DOCK4: variants seen among roughly 807,000 people sequenced by gnomAD.
The protein encoded by DOCK4 is dedicator of cytokinesis protein 4.
In DOCK4, 97 loss-of-function variants were observed where a neutral mutation model predicts 268.1. That is an observed-to-expected ratio of 0.36 (90% CI 0.31 to 0.43). The LOEUF (loss-of-function observed/expected upper bound fraction) is 0.43, where lower values mean the gene tolerates loss of function less well. DOCK4 is among the 20% of genes least tolerant of loss of function. The pLI, the probability that DOCK4 is intolerant of heterozygous loss-of-function variation, is 1.00. For missense variants in DOCK4, 2,145 were observed against 2,455.7 expected, an observed-to-expected ratio of 0.87 and a Z score of 2.67; for synonymous variants, 954 against 887.2, an observed-to-expected ratio of 1.08 and a Z score of -1.34.
chr7:112,086,942 A>G (rs930875802), intron 1 of DOCK4, among the ~76,000 whole-genome samples: 1 of 152,070 alleles, frequency 6.6e-6, no homozygotes, highest in Non-Finnish European at 1.5e-5. Flanking sequence ...CCCTGAAAAA[A>G]CAAATCAGAA....
chr7:112,012,326 C>T (rs1216278984), intron 1 of DOCK4, among the ~76,000 whole-genome samples: 1 of 151,072 alleles, frequency 6.6e-6, no homozygotes, highest in Non-Finnish European at 1.5e-5. Context: ...GATAATACTG[C>T]TTTTTCTGAT....
intron 1 of DOCK4, among the ~76,000 whole-genome samples, chr7:112,118,956 T>C (rs1210510712): frequency 6.6e-6 from 1 of 152,200 alleles, no homozygotes. Context: ...GGCCTACATA[T>C]AGCTCGTACG....
At position 112,063,691 on chromosome 7, in the gene DOCK4, G is replaced by A. The variant is rs1215599027; in HGVS notation, c.38-59560C>T. On this transcript the variant is annotated intron_variant, in intron 1 of 52. Coordinates refer to ENST00000428084, the MANE Select transcript of DOCK4 (RefSeq NM_001363540.2). ...AATCATAAGAAAAAAGGAATTTACT[G>A]ATGGGACTCAAGATTTTTTCATGCT... Among the ~76,000 whole-genome samples the A allele has an allele frequency of 2.6e-5, 4 of 152,194 alleles. No individual in the cohort carries two copies. The East Asian group carries it at 5.8e-4, about 22-fold the overall frequency.
At chr7:111,755,679 A>T in intron 41 of DOCK4, 78 bp from the exon 42 acceptor site, 1 of 1,322,070 alleles carries the variant, frequency 7.6e-7, no homozygotes, top group East Asian at 2.3e-5. Flanking sequence ...TTTGTCGGTC[A>T]CTGTTACCAG....
At chr7:111,879,456 G>A (rs1807191893) in intron 16 of DOCK4, among the ~76,000 whole-genome samples, 1 of 152,060 alleles carries the variant, frequency 6.6e-6, no homozygotes, top group Admixed American at 6.5e-5. Flanking sequence ...AAGCAAAGGG[G>A]GCTTTGCCTT....
intron 16 of DOCK4, among the ~76,000 whole-genome samples, chr7:111,883,291 C>T (rs1385306880): frequency 6.6e-6 from 1 of 152,186 alleles, no homozygotes; most frequent in Non-Finnish European, 1.5e-5. Flanking sequence ...CACATTCACC[C>T]TATCTGGTCT....
intron 1 of DOCK4, among the ~76,000 whole-genome samples, chr7:112,185,110 A>G (rs536983434): frequency 6.6e-6 from 1 of 152,310 alleles, no homozygotes; most frequent in South Asian, 2.1e-4. Context: ...TAGGAAATCA[A>G]TAATACTGAA....
chr7:111,929,829 T>C (rs1021797926), intron 12 of DOCK4, among the ~76,000 whole-genome samples: 8 of 152,228 alleles, frequency 5.3e-5, no homozygotes, highest in Non-Finnish European at 8.8e-5. Flanking sequence ...TGATTTCTTC[T>C]AGGTGTAAGC....
chr7:112,048,569 AC>A (rs1805057010), intron 1 of DOCK4, among the ~76,000 whole-genome samples: 1 of 147,360 alleles, frequency 6.8e-6, no homozygotes, highest in Non-Finnish European at 1.5e-5. Context: ...TCTCAAAAAA[AC>A]AAAAAAAAAC....
chr7:112,014,955 C>G (rs976852460), intron 1 of DOCK4, among the ~76,000 whole-genome samples: 1 of 152,052 alleles, frequency 6.6e-6, no homozygotes. Context: ...GAAGAATTGT[C>G]AGAGGTATTC....
intron 1 of DOCK4, among the ~76,000 whole-genome samples, chr7:112,130,558 T>C (rs533056154): frequency 6.6e-6 from 1 of 152,204 alleles, no homozygotes; most frequent in Non-Finnish European, 1.5e-5. Context: ...GCAAGTAAAA[T>C]TAAGCTAGTG....
chr7:111,990,085 G>T (rs1325337561), intron 5 of DOCK4, among the ~76,000 whole-genome samples: 1 of 152,042 alleles, frequency 6.6e-6, no homozygotes, highest in Non-Finnish European at 1.5e-5. Flanking sequence ...TCTGTAAAAC[G>T]GGTATTATAG....
chr7:112,063,083 G>C (rs1806582593), intron 1 of DOCK4, among the ~76,000 whole-genome samples: 1 of 152,174 alleles, frequency 6.6e-6, no homozygotes, highest in South Asian at 2.1e-4. Context: ...TTCAGGTAGA[G>C]TCCTCCTGAA....
chr7:111,834,523 TG>T, intron 26 of DOCK4, 64 bp downstream of exon 26: 1 of 1,212,050 alleles, frequency 8.3e-7, no homozygotes, highest in Middle Eastern at 2.6e-4. Context: ...ATCTCAACAG[TG>T]ATGAATAAAA....
At chr7:112,179,341 AT>A (rs1818821264) in intron 1 of DOCK4, among the ~76,000 whole-genome samples, 1 of 151,156 alleles carries the variant, frequency 6.6e-6, no homozygotes. Flanking sequence ...AGTGGTGATC[AT>A]GTCACTGCAC....
At chr7:112,110,181 T>C (rs572106068) in intron 1 of DOCK4, among the ~76,000 whole-genome samples, 5 of 152,356 alleles carry the variant, frequency 3.3e-5, no homozygotes, top group Non-Finnish European at 5.9e-5. Flanking sequence ...TTAAATTGTA[T>C]TATCCTAACA....
intron 36 of DOCK4, among the ~76,000 whole-genome samples, chr7:111,772,791 C>T (rs1463457369): frequency 6.6e-6 from 1 of 152,068 alleles, no homozygotes; most frequent in Non-Finnish European, 1.5e-5. Context: ...AGTGAAACTC[C>T]GTCTCAAAAA....
At chr7:111,878,886 C>CAGGAGACTTAAA (rs2134275713) in intron 16 of DOCK4, among the ~76,000 whole-genome samples, 1 of 152,178 alleles carries the variant, frequency 6.6e-6, no homozygotes, top group East Asian at 1.9e-4. Context: ...ACTTAAAAGG[C>CAGGAGACTTAAA]AGTCTAGGAG....
intron 23 of DOCK4, among the ~76,000 whole-genome samples, chr7:111,852,675 A>G (rs1175201105): frequency 6.6e-6 from 1 of 152,224 alleles, no homozygotes; most frequent in African/African-American, 2.4e-5. Flanking sequence ...GCAAAAAAGT[A>G]AGTAAGGTGG....
Sources: gnomAD v4.1 joint callset for allele counts (sites outside exome capture counted in the v4.1 genomes callset) on GRCh38, gnomAD v4.1.1 for gene constraint, MANE v1.5 for transcripts, NCBI Gene and HGNC (gene_info 2026-07-23, HGNC 2026-07-21) for gene names.